The following GDI2 variants were observed in gnomAD, a reference collection of about 807,000 sequenced individuals.
GDI2 encodes the protein rab GDP dissociation inhibitor beta.
Under a neutral mutation model 54.2 loss-of-function variants are expected in GDI2, and 22 were observed. The observed-to-expected ratio is 0.41, with a 90% confidence interval of 0.29 to 0.58. The LOEUF (loss-of-function observed/expected upper bound fraction) is 0.58, where lower values mean the gene tolerates loss of function less well. Ranked by LOEUF, GDI2 falls within the 20% of genes least tolerant of loss-of-function variation. The pLI is 0.35. For synonymous variants in GDI2, 177 were observed against 182.1 expected, an observed-to-expected ratio of 0.97 and a Z score of 0.23; for missense variants, 422 against 546.0, an observed-to-expected ratio of 0.77 and a Z score of 2.26.
intron 4 of GDI2, among the ~76,000 whole-genome samples, chr10:5,794,259 A>G (rs1172741381): frequency 7.1e-6 from 1 of 141,730 alleles, no homozygotes; most frequent in Non-Finnish European, 1.5e-5. Flanking sequence ...TCCTAAAATC[A>G]AAGATATTGG....
intron 2 of GDI2, among the ~76,000 whole-genome samples, chr10:5,798,158 ATTAAT>A (rs1248826979): frequency 1.4e-4 from 22 of 152,250 alleles, no homozygotes; most frequent in Admixed American, 9.8e-4. Context: ...GAATACTCAA[ATTAAT>A]TTATAATTCA....
intron 1 of GDI2, among the ~76,000 whole-genome samples, chr10:5,805,706 C>T (rs927911889): frequency 9.8e-5 from 15 of 152,328 alleles, no homozygotes; most frequent in African/African-American, 3.4e-4. Context: ...ACTGATGATG[C>T]TGGTCCAGGA....
At chr10:5,788,279 G>A (rs1298452951) in intron 4 of GDI2, among the ~76,000 whole-genome samples, 2 of 151,878 alleles carry the variant, frequency 1.3e-5, no homozygotes, top group African/African-American at 2.4e-5. Context: ...AATCACAGGT[G>A]TGAGCCACTG....
At position 5,802,609 on chromosome 10, in the gene GDI2, AAG is replaced by A. The variant is rs1841295448; in HGVS notation, c.46-1906_46-1905del. On this transcript the variant is annotated intron_variant, in intron 1 of 10. Coordinates refer to ENST00000380191, the MANE Select transcript of GDI2 (RefSeq NM_001494.4). Reference sequence around the variant, plus strand: ...CAAGACTCCATCTCAAAAAAAAAAAAAGAATTATGGAAAACTTACAACTACCA... The same window carrying A: ...CAAGACTCCATCTCAAAAAAAAAAAAAATTATGGAAAACTTACAACTACCA... 2.0e-5 allele frequency among the ~76,000 whole-genome samples: 3 copies of A among 152,214 alleles called. No homozygotes were observed. The South Asian group carries it at 6.2e-4, about 32-fold the overall frequency.
intron 1 of GDI2, among the ~76,000 whole-genome samples, chr10:5,811,282 G>T (rs1841475769): frequency 6.6e-6 from 1 of 152,132 alleles, no homozygotes; most frequent in Non-Finnish European, 1.5e-5. Flanking sequence ...AGTTATCACA[G>T]CTACAAAATG....
intron 2 of GDI2, among the ~76,000 whole-genome samples, chr10:5,799,538 G>GT (rs913563225): frequency 6.6e-6 from 1 of 152,184 alleles, no homozygotes; most frequent in Non-Finnish European, 1.5e-5. Context: ...TTTAATCCCA[G>GT]CTACTTGGGA....
At chr10:5,783,079 G>A (rs1415783835) in intron 6 of GDI2, among the ~76,000 whole-genome samples, 1 of 152,298 alleles carries the variant, frequency 6.6e-6, no homozygotes, top group Non-Finnish European at 1.5e-5. Flanking sequence ...AATCACAGAG[G>A]TGGTTGCTGG....
intron 4 of GDI2, among the ~76,000 whole-genome samples, chr10:5,794,394 CA>C (rs1841101797): frequency 6.6e-6 from 1 of 151,236 alleles, no homozygotes; most frequent in African/African-American, 2.4e-5. Flanking sequence ...GCTCTGGAGC[CA>C]CACTACCAGC....
chr10:5,779,941 A>C (rs1361451885), intron 6 of GDI2, among the ~76,000 whole-genome samples: 2 of 151,762 alleles, frequency 1.3e-5, no homozygotes, highest in Non-Finnish European at 2.9e-5. Context: ...CGATCCACCC[A>C]CCTCACCCTC....
rs1333268459 is a variant in GDI2, at chr10:5,774,803, G to C, written c.720-862C>G. Among the ~76,000 whole-genome samples, 4 of 152,040 alleles carry C rather than the reference G, an allele frequency of 2.6e-5. No homozygotes were observed. Among genetic ancestry groups the C allele is most frequent in the African/African-American group, 4.8e-5 (2 of 41,382 alleles). On this transcript the variant is annotated intron_variant, in intron 6 of 10. Transcript: ENST00000380191. The surrounding 1 kb of genome is among the most constrained non-coding windows in gnomAD (Gnocchi z 4.8). ...ACTGTCTATTCTCCTGTTTTTCCTT[G>C]TGTGTGTGTTCTAAAATGGCCTTGT...
chr10:5,805,875 C>G (rs533733145), intron 1 of GDI2, among the ~76,000 whole-genome samples: 23 of 152,330 alleles, frequency 1.5e-4, no homozygotes, highest in African/African-American at 5.1e-4. Flanking sequence ...GCAGATGCAG[C>G]TGATCTATGC....
Position 5,768,441 on chromosome 10 carries a change from C to T in GDI2, c.820-57G>A. The T allele has an allele frequency of 3.6e-6, 4 of 1,098,760 alleles. No individual in the cohort carries two copies. In the South Asian group the frequency reaches 5.2e-5, roughly 14 times the overall value. The allele number at this position is 1,098,760 out of a possible 1,614,324, so 68.1% of individuals were successfully genotyped here. A position where few individuals can be genotyped will look rare whatever the true frequency, so the allele number is the denominator to read the frequency against. On this transcript the variant is annotated intron_variant, in intron 7 of 10. Coordinates refer to ENST00000380191, the MANE Select transcript of GDI2 (RefSeq NM_001494.4). This position sits in a 1 kb window ranked among gnomAD's most constrained non-coding sequence, Gnocchi z 4.4. ...CGGACAAGGATATAGGGAAACACAT[C>T]CCATGTTCATAGTTTGGAAGACTTA...
chr10:5,785,320 C>T, intron 5 of GDI2, 47 bp from the exon 6 acceptor site: 4 of 1,367,466 alleles, frequency 2.9e-6, no homozygotes, highest in Non-Finnish European at 4.0e-6. Context: ...AGTTTTCATT[C>T]ATGGTGTTCA....
At chr10:5,808,301 G>T (rs907993034) in intron 1 of GDI2, among the ~76,000 whole-genome samples, 1 of 152,034 alleles carries the variant, frequency 6.6e-6, no homozygotes, top group Non-Finnish European at 1.5e-5. Context: ...CTCCAGCCTG[G>T]GTAAGAGACC....
At chr10:5,788,749 T>A (rs1382214163) in intron 4 of GDI2, among the ~76,000 whole-genome samples, 1 of 149,898 alleles carries the variant, frequency 6.7e-6, no homozygotes, top group Non-Finnish European at 1.5e-5. Context: ...ACTGAAAAAA[T>A]TTTTGGAGGT....
chr10:5,778,680 C>T (rs1285596696), intron 6 of GDI2, among the ~76,000 whole-genome samples: 2 of 151,962 alleles, frequency 1.3e-5, no homozygotes, highest in Non-Finnish European at 1.5e-5. Flanking sequence ...TTAAAAATAC[C>T]AAGGAGGAAA....
chr10:5,777,373 T>G (rs1840648627), intron 6 of GDI2, among the ~76,000 whole-genome samples: 1 of 152,138 alleles, frequency 6.6e-6, no homozygotes, highest in Non-Finnish European at 1.5e-5. Flanking sequence ...CTCAGGAGGC[T>G]GAAGTGAGAG....
At chr10:5,779,248 A>G (rs967202614) in intron 6 of GDI2, among the ~76,000 whole-genome samples, 1 of 152,208 alleles carries the variant, frequency 6.6e-6, no homozygotes, top group Non-Finnish European at 1.5e-5. Context: ...ACGGTGACTC[A>G]TGCCTGTAAA....
rs1760258900 is a variant in GDI2 at position 5,768,479 on chromosome 10, T to C, written c.820-95A>G. 1.3e-6 allele frequency: 1 copy of C among 771,634 alleles called. No individual in the cohort carries two copies. The highest frequency in any genetic ancestry group is 2.1e-6 in the Non-Finnish European group (1 of 472,280). The allele number at this position is 771,634 out of a possible 1,614,324, so 47.8% of individuals were successfully genotyped here. On this transcript the variant is annotated intron_variant, in intron 7 of 10. Transcript: ENST00000380191. This position sits in a 1 kb window ranked among gnomAD's most constrained non-coding sequence, Gnocchi z 4.4. ...TTTGGAAGACTTAGTATTGTTAAGATATCAAAAACCATCCTCAAGTTCATA... is the reference window on the plus strand; with the variant it reads ...TTTGGAAGACTTAGTATTGTTAAGACATCAAAAACCATCCTCAAGTTCATA...
Sources: gnomAD v4.1 joint callset for allele counts (sites outside exome capture counted in the v4.1 genomes callset) on GRCh38, gnomAD v4.1.1 for gene constraint, Gnocchi (gnomAD v3.1) non-coding constraint, MANE v1.5 for transcripts, NCBI Gene and HGNC (gene_info 2026-07-23, HGNC 2026-07-21) for gene names.